The following ADAMTSL1 variants were observed in gnomAD, a reference collection of about 807,000 sequenced individuals.
The protein encoded by ADAMTSL1 is ADAMTS like 1.
ADAMTSL1 carries 126 observed loss-of-function variants against 201.8 expected under a neutral mutation model. The observed-to-expected ratio is 0.62, with a 90% CI of 0.54 to 0.72. The LOEUF (loss-of-function observed/expected upper bound fraction) is 0.72, where lower values mean the gene tolerates loss of function less well. ADAMTSL1 is among the 30% of genes least tolerant of loss of function. The pLI is 0.00. For missense variants in ADAMTSL1, 2,679 were observed against 2,277.8 expected (o/e 1.18, Z -3.59); for synonymous variants, 1,121 against 903.4 (o/e 1.24, Z -4.32).
At chr9:18,091,256 GATTAT>G (rs1179588837) in intron 1 of ADAMTSL1, among the ~76,000 whole-genome samples, 1 of 151,824 alleles carries the variant, frequency 6.6e-6, no homozygotes, top group African/African-American at 2.4e-5. Context: ...TCTTCTTTTT[GATTAT>G]ATTATATCTT....
At chr9:18,788,261 A>G (rs1412436454) in intron 19 of ADAMTSL1, among the ~76,000 whole-genome samples, 2 of 152,170 alleles carry the variant, frequency 1.3e-5, no homozygotes, top group Non-Finnish European at 2.9e-5. Flanking sequence ...AATCCTGCTC[A>G]CGGAGGAGAT....
At chr9:18,500,898 A>T (rs1822794544) in intron 1 of ADAMTSL1, among the ~76,000 whole-genome samples, 1 of 152,198 alleles carries the variant, frequency 6.6e-6, no homozygotes, top group African/African-American at 2.4e-5. Flanking sequence ...ATCTCACATG[A>T]CATTGCTGCT....
chr9:18,826,141 T>C, intron 21 of ADAMTSL1, 143 bp from the exon 22 acceptor site: 1 of 938,526 alleles, frequency 1.1e-6, no homozygotes, highest in Admixed American at 2.5e-5. Context: ...GGACATTATT[T>C]AATCTGGCCA....
chr9:18,768,673 A>T (rs1194614724), intron 16 of ADAMTSL1, among the ~76,000 whole-genome samples: 1 of 152,168 alleles, frequency 6.6e-6, no homozygotes, highest in African/African-American at 2.4e-5. Context: ...AAAAGACTCT[A>T]AGACTAAAAG....
intron 1 of ADAMTSL1, among the ~76,000 whole-genome samples, chr9:18,127,861 C>A (rs557107665): frequency 6.6e-6 from 1 of 152,132 alleles, no homozygotes; most frequent in African/African-American, 2.4e-5. Context: ...GTTTTCCTCT[C>A]CTGATAGAAG....
intron 1 of ADAMTSL1, among the ~76,000 whole-genome samples, chr9:18,037,425 C>T (rs1468045256): frequency 6.6e-6 from 1 of 152,152 alleles, no homozygotes; most frequent in African/African-American, 2.4e-5. Flanking sequence ...AGATGGAGCC[C>T]TTACTCATGA....
chr9:18,438,278 A>G (rs986589454), intron 2 of ADAMTSL1, among the ~76,000 whole-genome samples: 3 of 152,140 alleles, frequency 2.0e-5, no homozygotes, highest in Non-Finnish European at 2.9e-5. Flanking sequence ...GAGAAAGACT[A>G]TCAACAGAAC....
intron 4 of ADAMTSL1, among the ~76,000 whole-genome samples, chr9:18,604,045 C>G (rs1433946550): frequency 6.6e-6 from 1 of 152,194 alleles, no homozygotes; most frequent in Non-Finnish European, 1.5e-5. Flanking sequence ...TTTGGGTTGT[C>G]CTTACTGCTG....
intron 1 of ADAMTSL1, among the ~76,000 whole-genome samples, chr9:18,035,521 C>A (rs1443753640): frequency 1.3e-5 from 2 of 152,150 alleles, no homozygotes; most frequent in Non-Finnish European, 2.9e-5. Flanking sequence ...GATACTTATA[C>A]AATTTACTTC....
chr9:18,905,757 T>C (rs201785887), intron 26 of ADAMTSL1, 25 bp from the exon 27 acceptor site: 3 of 1,590,554 alleles, frequency 1.9e-6, no homozygotes, highest in African/African-American at 2.7e-5. Flanking sequence ...TAATGTGCGG[T>C]ATGTTACCTT....
chr9:18,875,169 A>T (rs1429359056), intron 23 of ADAMTSL1, among the ~76,000 whole-genome samples: 1 of 152,062 alleles, frequency 6.6e-6, no homozygotes, highest in Non-Finnish European at 1.5e-5. Context: ...TGGTTAACCC[A>T]CTAATGGTCT....
chr9:18,342,006 C>G (rs1246678371), intron 2 of ADAMTSL1, among the ~76,000 whole-genome samples: 1 of 152,162 alleles, frequency 6.6e-6, no homozygotes, highest in African/African-American at 2.4e-5. Context: ...CGTATTCTGT[C>G]TGTACTGAAT....
At chr9:18,349,212 CTT>C (rs1362553036) in intron 2 of ADAMTSL1, among the ~76,000 whole-genome samples, 1 of 152,116 alleles carries the variant, frequency 6.6e-6, no homozygotes, top group African/African-American at 2.4e-5. Flanking sequence ...GAAAATGAGA[CTT>C]ATGTGGATTG....
chr9:18,209,946 A>G (rs778720580), intron 2 of ADAMTSL1, among the ~76,000 whole-genome samples: 1 of 152,194 alleles, frequency 6.6e-6, no homozygotes, highest in Non-Finnish European at 1.5e-5. Flanking sequence ...TTGCCAGTAC[A>G]GAATGCATGG....
intron 1 of ADAMTSL1, among the ~76,000 whole-genome samples, chr9:18,031,958 C>T (rs1820977826): frequency 6.6e-6 from 1 of 152,114 alleles, no homozygotes; most frequent in Non-Finnish European, 1.5e-5. Context: ...TGCCCACAGC[C>T]CAGGGATTTT....
At chr9:18,417,725 T>G (rs1345241547) in intron 2 of ADAMTSL1, among the ~76,000 whole-genome samples, 3 of 152,182 alleles carry the variant, frequency 2.0e-5, no homozygotes, top group African/African-American at 7.2e-5. Flanking sequence ...AAGTTGAATT[T>G]GTAGTTAAAG....
At chr9:17,960,040 C>G (rs751692690) in intron 1 of ADAMTSL1, among the ~76,000 whole-genome samples, 2 of 152,182 alleles carry the variant, frequency 1.3e-5, no homozygotes, top group Non-Finnish European at 2.9e-5. Flanking sequence ...ACATGTATCT[C>G]TTCTTACCAA....
At position 18,668,735 on chromosome 9, in the gene ADAMTSL1, A is replaced by G. The variant is rs180909590; in HGVS notation, c.1085+6662A>G. 4.6e-5 allele frequency among the ~76,000 whole-genome samples: 7 copies of G among 152,360 alleles called. No homozygotes were observed. In the East Asian group the frequency reaches 1.2e-3, roughly 25 times the overall value. ...GCCAAGCAGTCACCAAACATCAGCT[A>G]TCATGATTGAATTGAGAAACAGACT... On this transcript the variant is annotated intron_variant, in intron 9 of 28. Transcript: ENST00000380548.
At chr9:18,086,535 T>C (rs1823778405) in intron 1 of ADAMTSL1, among the ~76,000 whole-genome samples, 2 of 152,218 alleles carry the variant, frequency 1.3e-5, no homozygotes, top group East Asian at 3.8e-4. Flanking sequence ...ACTATGATAA[T>C]TACATTCTTT....
Sources: gnomAD v4.1 joint callset for allele counts (sites outside exome capture counted in the v4.1 genomes callset) on GRCh38, gnomAD v4.1.1 for gene constraint, MANE v1.5 for transcripts, NCBI Gene and HGNC (gene_info 2026-07-23, HGNC 2026-07-21) for gene names.